CTNNA3: variants seen among roughly 807,000 people sequenced by gnomAD.
CTNNA3 encodes the protein catenin alpha-3.
Under a neutral mutation model 95.7 loss-of-function variants are expected in CTNNA3, and 76 were observed. The observed-to-expected ratio is 0.79, with a 90% confidence interval of 0.66 to 0.96. The LOEUF is 0.96. Among genes scored for constraint, CTNNA3 ranks in the 40% least tolerant of loss-of-function variants. CTNNA3 has a pLI of 0.00. For missense variants in CTNNA3, 1,191 were observed against 1,089.8 expected (o/e 1.09, Z -1.31); for synonymous variants, 431 against 374.4 (o/e 1.15, Z -1.74).
At chr10:67,030,638 T>A (rs755735684) in intron 7 of CTNNA3, among the ~76,000 whole-genome samples, 2 of 152,162 alleles carry the variant, frequency 1.3e-5, no homozygotes, top group African/African-American at 4.8e-5. Flanking sequence ...ATCAATATAT[T>A]TGTTTATCAC....
At chr10:67,323,683 G>A (rs1255872661) in intron 5 of CTNNA3, among the ~76,000 whole-genome samples, 1 of 152,140 alleles carries the variant, frequency 6.6e-6, no homozygotes, top group Non-Finnish European at 1.5e-5. Context: ...GCTTAGGATG[G>A]TCTTGGCTAT....
At chr10:65,951,144 A>C (rs966764793) in intron 17 of CTNNA3, among the ~76,000 whole-genome samples, 3 of 152,252 alleles carry the variant, frequency 2.0e-5, no homozygotes, top group African/African-American at 7.2e-5. Context: ...AGATTGCTTA[A>C]GCAAAATTGG....
rs527662232 is a variant in CTNNA3, at chr10:66,203,146, C to T, written c.1884+77324G>A. Among the ~76,000 whole-genome samples the T allele has an allele frequency of 1.8e-4, 28 of 152,236 alleles. No homozygotes were observed. In the South Asian group the frequency reaches 5.2e-3, roughly 28 times the overall value. On this transcript the variant is annotated intron_variant, in intron 13 of 17. Transcript: ENST00000433211. ...CACTGTTTTCTGATAGAAGATCCAA[C>T]CATTAATGAGAAACAAGCATTATGG...
intron 12 of CTNNA3, among the ~76,000 whole-genome samples, chr10:66,282,288 T>G (rs754632497): frequency 6.6e-6 from 1 of 151,962 alleles, no homozygotes; most frequent in Non-Finnish European, 1.5e-5. Context: ...ACTCTCAAAG[T>G]ATATCTCTAA....
intron 12 of CTNNA3, among the ~76,000 whole-genome samples, chr10:66,284,117 C>T (rs953675821): frequency 9.9e-5 from 15 of 151,820 alleles, no homozygotes; most frequent in African/African-American, 3.4e-4. Flanking sequence ...GTCAACACCC[C>T]GGCGACTTCA....
chr10:66,102,730 TG>T, intron 14 of CTNNA3, among the ~76,000 whole-genome samples: 1 of 151,960 alleles, frequency 6.6e-6, no homozygotes, highest in East Asian at 1.9e-4. Context: ...GGTGTGTGTG[TG>T]TGTGTTTGGG....
At chr10:67,690,500 T>A (rs1052360237) in intron 1 of CTNNA3, among the ~76,000 whole-genome samples, 1 of 152,168 alleles carries the variant, frequency 6.6e-6, no homozygotes, top group Non-Finnish European at 1.5e-5. Flanking sequence ...TTTTACAGAG[T>A]GACTGGTTCT....
At chr10:65,956,243 A>G (rs556708642) in intron 17 of CTNNA3, among the ~76,000 whole-genome samples, 27 of 152,182 alleles carry the variant, frequency 1.8e-4, no homozygotes, top group Non-Finnish European at 3.7e-4. Context: ...GATCCCCTTT[A>G]TCATTTTTTA....
intron 1 of CTNNA3, among the ~76,000 whole-genome samples, chr10:67,704,386 G>T (rs544103304): frequency 1.3e-5 from 2 of 152,108 alleles, no homozygotes; most frequent in Non-Finnish European, 2.9e-5. Context: ...ATACTACAAG[G>T]CTACAGTAAC....
At chr10:66,080,945 A>C (rs549340269) in intron 14 of CTNNA3, among the ~76,000 whole-genome samples, 3 of 152,182 alleles carry the variant, frequency 2.0e-5, no homozygotes, top group Non-Finnish European at 4.4e-5. Flanking sequence ...ATATTTTGTT[A>C]AATTGGCAAG....
chr10:67,182,316 C>T (rs887807733), intron 6 of CTNNA3, among the ~76,000 whole-genome samples: 3 of 152,190 alleles, frequency 2.0e-5, no homozygotes, highest in Non-Finnish European at 4.4e-5. Flanking sequence ...GTAACCAAAA[C>T]AGCATGGTAC....
At chr10:67,685,534 A>AT (rs1419331152) in intron 1 of CTNNA3, among the ~76,000 whole-genome samples, 1 of 152,158 alleles carries the variant, frequency 6.6e-6, no homozygotes, top group Non-Finnish European at 1.5e-5. Context: ...TATGATTTAG[A>AT]TCCCCTGTTA....
At chr10:66,687,499 A>AAC (rs1323818995) in intron 9 of CTNNA3, among the ~76,000 whole-genome samples, 1 of 152,148 alleles carries the variant, frequency 6.6e-6, no homozygotes, top group Non-Finnish European at 1.5e-5. Context: ...TTTGTTTACT[A>AAC]ATATATACCT....
At chr10:67,170,471 C>A (rs531752528) in intron 7 of CTNNA3, among the ~76,000 whole-genome samples, 1 of 152,128 alleles carries the variant, frequency 6.6e-6, no homozygotes, top group African/African-American at 2.4e-5. Flanking sequence ...TTTGTGGGAA[C>A]GTGGATGGAG....
intron 7 of CTNNA3, among the ~76,000 whole-genome samples, chr10:66,882,819 A>G (rs972844274): frequency 3.3e-5 from 5 of 152,186 alleles, no homozygotes; most frequent in African/African-American, 1.2e-4. Flanking sequence ...ATGGAAACAT[A>G]GGATGTAAAT....
intron 9 of CTNNA3, among the ~76,000 whole-genome samples, chr10:66,756,889 T>C (rs1375609867): frequency 6.6e-6 from 1 of 152,192 alleles, no homozygotes; most frequent in East Asian, 1.9e-4. Flanking sequence ...AACTTGACCC[T>C]AGAGCAGAAA....
chr10:66,232,491 GTTCTC>G (rs2089635802), intron 13 of CTNNA3, among the ~76,000 whole-genome samples: 1 of 151,268 alleles, frequency 6.6e-6, no homozygotes, highest in Non-Finnish European at 1.5e-5. Context: ...AAAGATTTCA[GTTCTC>G]TTCAAGTTAG....
intron 7 of CTNNA3, among the ~76,000 whole-genome samples, chr10:67,033,388 C>T (rs1853851757): frequency 6.6e-6 from 1 of 152,142 alleles, no homozygotes; most frequent in Non-Finnish European, 1.5e-5. Context: ...GCTTCTCTCC[C>T]ATCAATTTTT....
chr10:67,186,739 T>G (rs1010788491), intron 6 of CTNNA3, among the ~76,000 whole-genome samples: 5 of 152,300 alleles, frequency 3.3e-5, no homozygotes, highest in Middle Eastern at 3.4e-3. Context: ...TAGGATATTG[T>G]TTTTTCAGGA....
Sources: allele counts gnomAD v4.1 joint callset (sites outside exome capture counted in the v4.1 genomes callset), GRCh38; gene constraint gnomAD v4.1.1; transcripts MANE v1.5; gene names NCBI Gene and HGNC (gene_info 2026-07-23, HGNC 2026-07-21).